IL1RL2: variants seen among roughly 807,000 people sequenced by gnomAD.
The protein encoded by IL1RL2 is interleukin 1 receptor like 2.
IL1RL2 carries 68 observed loss-of-function variants against 66.8 expected under a neutral mutation model. The ratio of observed to expected loss-of-function variants is 1.02; its 90% CI spans 0.84 to 1.25. IL1RL2 has a LOEUF of 1.25. Ranked by LOEUF, IL1RL2 falls within the 50% of genes most tolerant of loss-of-function variation. The pLI, the probability that IL1RL2 is intolerant of heterozygous loss-of-function variation, is 0.00. For synonymous variants in IL1RL2, 305 were observed against 264.6 expected (o/e 1.15, Z -1.48); for missense variants, 729 against 709.3 (o/e 1.03, Z -0.32).
rs1675139689 is a variant in IL1RL2 at position 102,239,427 on chromosome 2, A to G, written c.*186A>G. On this transcript the variant is annotated 3_prime_UTR_variant, in exon 12 of 12. Transcript: ENST00000264257. ...GGCCATCCCCATGTCATGGTGGGTG[A>G]GAGCTGGGGCCATCCCCGTGGTCAT... The G allele has an allele frequency of 3.5e-6, 2 of 577,748 alleles. No individual in the cohort carries two copies. Among genetic ancestry groups the G allele is most frequent in the Admixed American group, 2.6e-5 (1 of 39,008 alleles). 35.8% of individuals were successfully genotyped at this position (577,748 alleles called of 1,614,324 possible).
chr2:102,201,354 T>C (rs1233918785), intron 4 of IL1RL2, among the ~76,000 whole-genome samples: 2 of 152,150 alleles, frequency 1.3e-5, no homozygotes, highest in African/African-American at 4.8e-5. Flanking sequence ...CACACATATA[T>C]ACACATTATA....
chr2:102,199,392 C>A (rs1312411090), intron 4 of IL1RL2, among the ~76,000 whole-genome samples: 1 of 152,186 alleles, frequency 6.6e-6, no homozygotes, highest in Non-Finnish European at 1.5e-5. Flanking sequence ...CATCACTATT[C>A]TGTACCCACT....
chr2:102,208,243 T>A lies in IL1RL2; in HGVS notation c.650-3857T>A, dbSNP rs569616377. On this transcript the variant is annotated intron_variant, in intron 5 of 11. Transcript: ENST00000264257. ...GAAGGTGTTTCTTCTGTGTAGATGG[T>A]TGTTAACTTGGTGTCCTTGTAGGGG... Among the ~76,000 whole-genome samples the A allele has an allele frequency of 1.2e-4, 19 of 152,036 alleles. No homozygotes were observed. In the East Asian group the frequency reaches 3.7e-3, roughly 30 times the overall value.
At position 102,219,974 on chromosome 2, in the gene IL1RL2, C is replaced by T. The variant is rs1326251928; in HGVS notation, c.948C>T (p.Cys316=). The change falls in exon 8 of 12, where the codon TGC becomes TGT. Residue 316 remains cysteine (C), a synonymous_variant. Transcript: ENST00000264257. ...KMEDYGLPFM[C]HAGVSTAYII... ...AAGATTATGGCCTTCCTTTCATGTG[C>T]CACGCTGGAGTGTCCACAGCATACA... The T allele has an allele frequency of 1.2e-6, 2 of 1,613,832 alleles. No homozygotes were observed. The highest frequency in any genetic ancestry group is 1.7e-6 in the Non-Finnish European group (2 of 1,179,816).
chr2:102,197,675 C>T (rs900312976), intron 4 of IL1RL2, among the ~76,000 whole-genome samples: 2 of 152,232 alleles, frequency 1.3e-5, no homozygotes, highest in African/African-American at 4.8e-5. Flanking sequence ...GAGGATCTTC[C>T]TGCTCTTTCT....
intron 11 of IL1RL2, 93 bp downstream of exon 11, chr2:102,235,370 CG>C: frequency 2.0e-6 from 3 of 1,529,062 alleles, no homozygotes; most frequent in African/African-American, 1.4e-5. Context: ...CACGTTTCAT[CG>C]GGGCCGTCTG....
chr2:102,216,876 T>G (rs1460006985), intron 6 of IL1RL2, among the ~76,000 whole-genome samples: 2 of 152,128 alleles, frequency 1.3e-5, no homozygotes, highest in East Asian at 3.8e-4. Context: ...CCCCTAACAG[T>G]TTATACTTTT....
chr2:102,187,760 G>C, intron 1 of IL1RL2, 96 bp from the exon 2 acceptor site: 2 of 1,032,698 alleles, frequency 1.9e-6, no homozygotes, highest in Admixed American at 3.4e-5. Flanking sequence ...CAGCGGCCTG[G>C]GCGGTTGTCT....
chr2:102,187,032 C>T lies in IL1RL2; in HGVS notation c.-67C>T, dbSNP rs553390385. 2.3e-6 allele frequency: 3 copies of T among 1,289,826 alleles called. No individual in the cohort carries two copies. In the East Asian group the frequency reaches 1.7e-4, roughly 72 times the overall value. 79.9% of individuals were successfully genotyped at this position (1,289,826 alleles called of 1,614,324 possible). On this transcript the variant is annotated 5_prime_UTR_variant, in exon 1 of 12. Transcript: ENST00000264257. ...GAAGTGGCATGACAGGGCTCGTGTC[C>T]CTGTCATATTTTCCACTCTCCACGA...
chr2:102,240,365 T>C (rs1675196406), downstream of IL1RL2, among the ~76,000 whole-genome samples: 2 of 116,536 alleles, frequency 1.7e-5, no homozygotes, highest in Non-Finnish European at 3.7e-5. Context: ...CTCCTCCTTT[T>C]TTTTTTTTTT....
At chr2:102,204,288 T>C (rs1688516712) in intron 5 of IL1RL2, among the ~76,000 whole-genome samples, 1 of 152,176 alleles carries the variant, frequency 6.6e-6, no homozygotes, top group Non-Finnish European at 1.5e-5. Context: ...AAGACTTGTT[T>C]TGTGACCTAA....
At chr2:102,231,233 T>G (rs1208690317) in intron 9 of IL1RL2, among the ~76,000 whole-genome samples, 1 of 152,186 alleles carries the variant, frequency 6.6e-6, no homozygotes, top group Non-Finnish European at 1.5e-5. Context: ...GCAAGACTGT[T>G]TACCATCCAC....
intron 5 of IL1RL2, among the ~76,000 whole-genome samples, chr2:102,205,892 C>G (rs1688660710): frequency 6.6e-6 from 1 of 152,102 alleles, no homozygotes. Context: ...AGGCTATCTT[C>G]TAGATTCTGT....
intron 6 of IL1RL2, among the ~76,000 whole-genome samples, chr2:102,214,860 G>A (rs1362569381): frequency 6.6e-6 from 1 of 151,990 alleles, no homozygotes; most frequent in Non-Finnish European, 1.5e-5. Context: ...CGTACAAAAG[G>A]GCCAAAATAT....
At chr2:102,235,384 C>A in intron 11 of IL1RL2, 107 bp downstream of exon 11, 1 of 1,504,450 alleles carries the variant, frequency 6.6e-7, no homozygotes, top group Non-Finnish European at 8.8e-7. Context: ...GCCGTCTGCT[C>A]TGAAGCTGGC....
intron 6 of IL1RL2, among the ~76,000 whole-genome samples, chr2:102,215,540 T>G (rs1689535099): frequency 6.6e-6 from 1 of 151,994 alleles, no homozygotes; most frequent in African/African-American, 2.4e-5. Context: ...CTGCTCACCC[T>G]CATACCCATG....
At chr2:102,228,055 T>C (rs1690788879) in intron 9 of IL1RL2, among the ~76,000 whole-genome samples, 1 of 152,136 alleles carries the variant, frequency 6.6e-6, no homozygotes, top group African/African-American at 2.4e-5. Flanking sequence ...TCTGCAACAG[T>C]GGGCAGAGGA....
chr2:102,238,056 A>G (rs1675026054), intron 11 of IL1RL2, among the ~76,000 whole-genome samples: 1 of 152,158 alleles, frequency 6.6e-6, no homozygotes. Context: ...AAAGTTTTTT[A>G]ATACTATGAA....
chr2:102,189,898 C>T (rs1391847675), intron 3 of IL1RL2, among the ~76,000 whole-genome samples: 1 of 152,218 alleles, frequency 6.6e-6, no homozygotes, highest in Non-Finnish European at 1.5e-5. Flanking sequence ...GTGATCCGCC[C>T]GTCTTGGCCT....
Sources: allele counts gnomAD v4.1 joint callset (sites outside exome capture counted in the v4.1 genomes callset), GRCh38; gene constraint gnomAD v4.1.1; transcripts MANE v1.5; gene names NCBI Gene and HGNC (gene_info 2026-07-23, HGNC 2026-07-21).